Variants in SV2C observed in about 807,000 individuals in gnomAD.
The protein encoded by SV2C is synaptic vesicle glycoprotein 2C, also known as solute carrier family 22 member B3.
Under a neutral mutation model 79.7 loss-of-function variants are expected in SV2C, and 49 were observed. That is an observed-to-expected ratio of 0.61 (90% CI 0.49 to 0.78). The LOEUF (loss-of-function observed/expected upper bound fraction) is 0.78. SV2C is among the 30% of genes least tolerant of loss of function. SV2C has a pLI of 0.00. For synonymous variants in SV2C, 334 were observed against 333.2 expected (o/e 1.00, Z -0.03); for missense variants, 833 against 912.9 (o/e 0.91, Z 1.13).
the SV2C span, among the ~76,000 whole-genome samples, chr5:75,879,061 C>A: frequency 1.3e-5 from 2 of 152,196 alleles, no homozygotes; most frequent in South Asian, 2.1e-4. Context: ...GAACTCAGAA[C>A]GAGTTCTGTC....
chr5:75,959,358 A>G, the SV2C span, among the ~76,000 whole-genome samples: 2 of 152,096 alleles, frequency 1.3e-5, no homozygotes, highest in South Asian at 4.1e-4. Context: ...CATTTCAGTT[A>G]AGATCAGAAT....
intron 9 of SV2C, among the ~76,000 whole-genome samples, chr5:76,297,001 T>A (rs1479807464): frequency 1.3e-5 from 2 of 152,212 alleles, no homozygotes; most frequent in Non-Finnish European, 2.9e-5. Flanking sequence ...CCATTAGAAA[T>A]TTCTAATATA....
At chr5:76,274,018 A>T (rs2972835) in intron 4 of SV2C, among the ~76,000 whole-genome samples, 21,137 of 152,140 alleles carry the variant, frequency 0.14, 1,897 homozygotes, top group African/African-American at 0.25. Flanking sequence ...ACCAGGATAG[A>T]ATCTGGCACT....
chr5:76,125,333 T>A (rs182031202), intron 1 of SV2C, among the ~76,000 whole-genome samples: 2,161 of 152,292 alleles, frequency 0.014, 23 homozygotes, highest in Non-Finnish European at 0.022. Context: ...ATTATTTTAA[T>A]GTAGATTTTC....
At chr5:76,325,287 T>C (rs2097438442) in intron 12 of SV2C, 77 bp from the exon 13 acceptor site, 1 of 1,446,214 alleles carries the variant, frequency 6.9e-7, no homozygotes, top group Non-Finnish European at 9.6e-7. Context: ...TCATTGAAAA[T>C]CTAGGATCTT....
the SV2C span, among the ~76,000 whole-genome samples, chr5:76,021,740 G>C: frequency 6.6e-6 from 1 of 152,106 alleles, no homozygotes; most frequent in Non-Finnish European, 1.5e-5. Context: ...TTTTGCTGGT[G>C]ATTCATTTGA....
At chr5:76,274,588 T>C (rs113349869) in intron 4 of SV2C, among the ~76,000 whole-genome samples, 75 of 152,148 alleles carry the variant, frequency 4.9e-4, no homozygotes, top group Admixed American at 2.4e-3. Flanking sequence ...TTATATGATA[T>C]TCCATTGTAA....
Position 76,232,813 on chromosome 5 carries a change from C to A in SV2C, c.913+22926C>A, listed in dbSNP as rs1489613147. 4.9e-5 allele frequency among the ~76,000 whole-genome samples: 7 copies of A among 143,178 alleles called. No homozygotes were observed. The South Asian group carries it at 1.5e-3, about 30-fold the overall frequency. 93.9% of individuals were successfully genotyped at this position (143,178 alleles called of 152,430 possible). ...ATTGATCTATATCTCTGTTTTGGTA[C>A]CAGTACCATGCTGTTTTGGTTACTG... is the stretch of plus-strand genomic sequence containing the variant. On this transcript the variant is annotated intron_variant, in intron 4 of 12. Coordinates refer to ENST00000502798, the MANE Select transcript of SV2C (RefSeq NM_014979.4).
chr5:76,209,504 C>A (rs768991148), intron 3 of SV2C, among the ~76,000 whole-genome samples: 1 of 152,284 alleles, frequency 6.6e-6, no homozygotes, highest in Non-Finnish European at 1.5e-5. Flanking sequence ...CCACTGCCAC[C>A]TCTTGGTAAC....
chr5:75,848,498 T>C, the SV2C span, among the ~76,000 whole-genome samples: 2 of 152,260 alleles, frequency 1.3e-5, no homozygotes, highest in Non-Finnish European at 2.9e-5. Context: ...GGTAAGTGAC[T>C]TGATAACAAG....
chr5:76,140,387 A>G (rs1561233383), intron 2 of SV2C, among the ~76,000 whole-genome samples: 1 of 152,166 alleles, frequency 6.6e-6, no homozygotes, highest in Non-Finnish European at 1.5e-5. Context: ...AGAGCTGGAT[A>G]GATATGACCT....
At chr5:76,095,566 A>G (rs943950299) in intron 1 of SV2C, among the ~76,000 whole-genome samples, 1 of 152,134 alleles carries the variant, frequency 6.6e-6, no homozygotes, top group Non-Finnish European at 1.5e-5. Context: ...AGGTCAGTCA[A>G]GTTTTTATAT....
At chr5:76,018,183 C>T in the SV2C span, among the ~76,000 whole-genome samples, 34 of 152,242 alleles carry the variant, frequency 2.2e-4, 1 homozygote, top group African/African-American at 7.2e-4. Context: ...TTTAATAGAT[C>T]GTAATAATTT....
At chr5:75,853,811 T>G in the SV2C span, among the ~76,000 whole-genome samples, 1 of 151,718 alleles carries the variant, frequency 6.6e-6, no homozygotes, top group East Asian at 1.9e-4. Context: ...TTGTAAAGAC[T>G]GAGTCTTTGA....
At chr5:76,160,701 AC>A (rs1742872204) in intron 2 of SV2C, among the ~76,000 whole-genome samples, 2 of 152,220 alleles carry the variant, frequency 1.3e-5, no homozygotes, top group African/African-American at 4.8e-5. Flanking sequence ...TAATAAGACA[AC>A]CCACTTAAAA....
At chr5:76,015,579 AT>A in the SV2C span, among the ~76,000 whole-genome samples, 1 of 152,110 alleles carries the variant, frequency 6.6e-6, no homozygotes, top group Admixed American at 6.6e-5. Flanking sequence ...AATATATTAT[AT>A]ATTTATGAAC....
the SV2C span, among the ~76,000 whole-genome samples, chr5:75,999,202 C>T: frequency 0.19 from 28,387 of 151,956 alleles, 3,369 homozygotes; most frequent in East Asian, 0.62. Flanking sequence ...TCCTGCAACA[C>T]GTGGGAATTC....
intron 4 of SV2C, among the ~76,000 whole-genome samples, chr5:76,283,240 C>T (rs1384182618): frequency 2.6e-5 from 4 of 152,084 alleles, no homozygotes; most frequent in African/African-American, 9.7e-5. Context: ...TTGCTTGAAC[C>T]CAGGAGGTGG....
intron 2 of SV2C, among the ~76,000 whole-genome samples, chr5:76,169,439 G>T (rs903442353): frequency 6.6e-6 from 1 of 152,134 alleles, no homozygotes; most frequent in Non-Finnish European, 1.5e-5. Flanking sequence ...GGGAATTAAG[G>T]GTATTACAAA....
Sources: allele counts gnomAD v4.1 joint callset (sites outside exome capture counted in the v4.1 genomes callset), GRCh38; gene constraint gnomAD v4.1.1; transcripts MANE v1.5; gene names NCBI Gene and HGNC (gene_info 2026-07-23, HGNC 2026-07-21).